Variants in DDX4 observed in about 807,000 individuals in gnomAD.
DDX4 encodes the protein probable ATP-dependent RNA helicase DDX4.
DDX4 carries 25 observed loss-of-function variants against 100.0 expected under a neutral mutation model. That is an observed-to-expected ratio of 0.25 (90% CI 0.18 to 0.35). The LOEUF (loss-of-function observed/expected upper bound fraction) is 0.35, where lower values mean the gene tolerates loss of function less well. DDX4 is among the 10% of genes least tolerant of loss of function. The pLI is 1.00. For missense variants in DDX4, 635 were observed against 882.4 expected, an observed-to-expected ratio of 0.72 and a Z score of 3.55; for synonymous variants, 259 against 275.7, an observed-to-expected ratio of 0.94 and a Z score of 0.60.
intron 1 of DDX4, among the ~76,000 whole-genome samples, chr5:55,738,641 A>T (rs1015565505): frequency 2.6e-5 from 4 of 152,120 alleles, no homozygotes; most frequent in Non-Finnish European, 4.4e-5. Flanking sequence ...TCGTTTGGGG[A>T]CCCTTTGAGG....
rs550775147 is a variant in DDX4 at position 55,764,875 on chromosome 5, T to C, written c.334+811T>C. ...AGCACACAGCTGAATACCAGACACA[T>C]TCATGACAAACACTCAGATGTCATC... is the stretch of plus-strand genomic sequence containing the variant. On this transcript the variant is annotated intron_variant, in intron 6 of 21. Coordinates refer to ENST00000505374, the MANE Select transcript of DDX4 (RefSeq NM_024415.3). 2.9e-4 allele frequency among the ~76,000 whole-genome samples: 44 copies of C among 152,292 alleles called. No individual in the cohort carries two copies. The South Asian group carries it at 7.9e-3, about 27-fold the overall frequency.
At chr5:55,772,506 CTTTCAAGTGCTTGTT>C (rs1284338540) in intron 7 of DDX4, among the ~76,000 whole-genome samples, 2 of 152,142 alleles carry the variant, frequency 1.3e-5, no homozygotes, top group Non-Finnish European at 2.9e-5. Context: ...CATTGTAAGT[CTTTCAAGTGCTTGTT>C]TTTCAAGTGC....
intron 3 of DDX4, among the ~76,000 whole-genome samples, chr5:55,746,576 A>C (rs1463611316): frequency 6.6e-6 from 1 of 152,152 alleles, no homozygotes; most frequent in Non-Finnish European, 1.5e-5. Context: ...AATGGTGATG[A>C]CCTGTCAGGA....
At position 55,796,823 on chromosome 5, in the gene DDX4, C is replaced by CTTTTTTTTTTTTTTTTTTT. The variant is rs3990072; in HGVS notation, c.1470-1587_1470-1569dup. ...TTTTCTTTTCTTTTTTTCTTTCTTT[C>CTTTTTTTTTTTTTTTTTTT]TTTTTTTTTTTTTTTTTTTTTTTTT... is the stretch of plus-strand genomic sequence containing the variant. On this transcript the variant is annotated intron_variant, in intron 17 of 21. Coordinates refer to ENST00000505374, the MANE Select transcript of DDX4 (RefSeq NM_024415.3). Among the ~76,000 whole-genome samples the CTTTTTTTTTTTTTTTTTTT allele has an allele frequency of 2.4e-3, 144 of 59,946 alleles. 20 individuals are homozygous for CTTTTTTTTTTTTTTTTTTT. The highest frequency in any genetic ancestry group is 3.8e-3 in the Non-Finnish European group (117 of 30,914). 39.3% of individuals were successfully genotyped at this position (59,946 alleles called of 152,430 possible).
chr5:55,802,938 T>G (rs1194621429), intron 18 of DDX4, among the ~76,000 whole-genome samples: 1 of 151,914 alleles, frequency 6.6e-6, no homozygotes, highest in Non-Finnish European at 1.5e-5. Flanking sequence ...TTTTCTTTCT[T>G]TTTTTTTACA....
chr5:55,778,709 C>A (rs1741717868), intron 7 of DDX4, among the ~76,000 whole-genome samples: 2 of 152,148 alleles, frequency 1.3e-5, no homozygotes, highest in African/African-American at 2.4e-5. Flanking sequence ...GCCTGGCCAA[C>A]ATGGTGAAAC....
chr5:55,768,226 A>G (rs1332236004), intron 7 of DDX4: 2 of 374,486 alleles, frequency 5.3e-6, no homozygotes, highest in South Asian at 3.2e-5. Flanking sequence ...TTATTTTGTC[A>G]CCCAGATAAT....
intron 4 of DDX4, among the ~76,000 whole-genome samples, chr5:55,760,678 C>T (rs1740479004): frequency 6.6e-6 from 1 of 152,222 alleles, no homozygotes; most frequent in Non-Finnish European, 1.5e-5. Context: ...GTATAGGAAA[C>T]ATTTGTTAGC....
At chr5:55,779,189 C>A (rs536970366) in intron 7 of DDX4, among the ~76,000 whole-genome samples, 38 of 152,178 alleles carry the variant, frequency 2.5e-4, no homozygotes, top group Non-Finnish European at 5.3e-4. Flanking sequence ...CATATGTGTT[C>A]TTTTACTTTC....
At chr5:55,758,317 G>A (rs1319753014) in intron 3 of DDX4, among the ~76,000 whole-genome samples, 1 of 152,066 alleles carries the variant, frequency 6.6e-6, no homozygotes, top group Non-Finnish European at 1.5e-5. Context: ...TTACTGTTGG[G>A]TTTGGTTTGC....
chr5:55,801,801 T>C (rs1743330658), intron 18 of DDX4, among the ~76,000 whole-genome samples: 1 of 152,208 alleles, frequency 6.6e-6, no homozygotes, highest in Non-Finnish European at 1.5e-5. Flanking sequence ...GATTGAACTT[T>C]AAAAATCCTT....
intron 3 of DDX4, among the ~76,000 whole-genome samples, chr5:55,758,788 G>C (rs1329826225): frequency 6.8e-6 from 1 of 146,660 alleles, no homozygotes; most frequent in Non-Finnish European, 1.5e-5. Context: ...CTAGTAGTTG[G>C]TTACCCTGGC....
chr5:55,739,975 A>G (rs1190151932), intron 2 of DDX4, among the ~76,000 whole-genome samples: 2 of 152,152 alleles, frequency 1.3e-5, no homozygotes, highest in Non-Finnish European at 2.9e-5. Context: ...TCCTGAGTTC[A>G]GGCGACATTC....
intron 18 of DDX4, among the ~76,000 whole-genome samples, chr5:55,806,030 A>G (rs1263582175): frequency 3.3e-5 from 5 of 152,052 alleles, no homozygotes; most frequent in Non-Finnish European, 7.4e-5. Context: ...CAGAGATTCA[A>G]CTTCTTCCTG....
chr5:55,767,614 C>T (rs915893495), intron 6 of DDX4, among the ~76,000 whole-genome samples: 1 of 151,868 alleles, frequency 6.6e-6, no homozygotes, highest in Non-Finnish European at 1.5e-5. Context: ...TTTTGCTTTG[C>T]GTAGTATAAT....
At chr5:55,799,696 A>G (rs1417890206) in intron 18 of DDX4, among the ~76,000 whole-genome samples, 1 of 151,928 alleles carries the variant, frequency 6.6e-6, no homozygotes, top group Non-Finnish European at 1.5e-5. Context: ...TTTTGAAGTC[A>G]TTTTTTTTAG....
intron 2 of DDX4, among the ~76,000 whole-genome samples, chr5:55,744,916 T>C (rs1759172893): frequency 6.6e-6 from 1 of 152,202 alleles, no homozygotes; most frequent in South Asian, 2.1e-4. Flanking sequence ...GTTTTGCTCT[T>C]GTTGCCCAGG....
At chr5:55,739,366 T>G (rs1414504705) in intron 2 of DDX4, among the ~76,000 whole-genome samples, 1 of 152,202 alleles carries the variant, frequency 6.6e-6, no homozygotes, top group African/African-American at 2.4e-5. Context: ...AAAACAATAA[T>G]TACGTTTTGG....
In DDX4 at chr5:55,786,471, G is replaced by A. The variant is rs368719282; in HGVS notation, c.865-47G>A. 3.4e-6 allele frequency: 5 copies of A among 1,453,770 alleles called. No individual in the cohort carries two copies. The South Asian group carries it at 5.9e-5, about 17-fold the overall frequency. 90.1% of individuals were successfully genotyped at this position (1,453,770 alleles called of 1,614,324 possible). On this transcript the variant is annotated intron_variant, in intron 13 of 21. Transcript: ENST00000505374. ...AATGAAATATGCTTATAAATGATCTGCATATGATATATAGAATGTAATCAC... is the reference window on the plus strand; with the variant it reads ...AATGAAATATGCTTATAAATGATCTACATATGATATATAGAATGTAATCAC...
Sources: allele counts gnomAD v4.1 joint callset (sites outside exome capture counted in the v4.1 genomes callset), GRCh38; gene constraint gnomAD v4.1.1; transcripts MANE v1.5; gene names NCBI Gene and HGNC (gene_info 2026-07-23, HGNC 2026-07-21).